Variants in C11orf65 observed in about 807,000 individuals in gnomAD.
C11orf65 encodes the protein protein MFI.
In C11orf65, 38 loss-of-function variants were observed where a neutral mutation model predicts 35.3. The ratio of observed to expected loss-of-function variants is 1.08; its 90% CI spans 0.83 to 1.41. The LOEUF (loss-of-function observed/expected upper bound fraction) is 1.41. Ranked by LOEUF, C11orf65 falls within the 40% of genes most tolerant of loss-of-function variation. The probability of loss-of-function intolerance (pLI) is 0.00; values close to 1 mark genes in which losing one functional copy is unlikely to be tolerated. For synonymous variants in C11orf65, 105 were observed against 114.4 expected (o/e 0.92, Z 0.53); for missense variants, 370 against 367.1 (o/e 1.01, Z -0.06).
intron 1 of C11orf65, among the ~76,000 whole-genome samples, chr11:108,465,220 T>A (rs752596005): frequency 7.9e-5 from 12 of 152,176 alleles, no homozygotes; most frequent in South Asian, 2.1e-4. Flanking sequence ...ATTGAATACT[T>A]TGATCTAAAT....
At chr11:108,331,576 C>G in intron 3 of C11orf65, 2 of 1,595,648 alleles carry the variant, frequency 1.3e-6, no homozygotes, top group Non-Finnish European at 1.7e-6. Flanking sequence ...ACCTGAAAAT[C>G]AAACCACAAT....
chr11:108,325,896 G>A (rs558194164), intron 6 of C11orf65, among the ~76,000 whole-genome samples: 1 of 152,146 alleles, frequency 6.6e-6, no homozygotes, highest in Non-Finnish European at 1.5e-5. Context: ...AGGCAGACGT[G>A]GGGTGGGGAG....
Position 108,431,751 on chromosome 11 carries a change from T to A in C11orf65, c.169A>T (p.Lys57Ter). ...PRQIVKYINP[K>*]EAELLDAAAG... ...TCAATAAGTAATGTCCTTACCTCTTTGGGATTAATATATTTCACTATCTGA... is the reference window on the plus strand; with the variant it reads ...TCAATAAGTAATGTCCTTACCTCTTAGGGATTAATATATTTCACTATCTGA... The change falls in exon 3 of 9, where the codon AAA becomes TAA. Residue 57 changes from lysine to a stop codon, truncating the protein, a stop_gained. Transcript: ENST00000393084. LOFTEE classifies it high-confidence loss of function. The A allele has an allele frequency of 1.4e-6, 2 of 1,458,634 alleles. No homozygotes were observed. The highest frequency in any genetic ancestry group is 9.3e-7 in the Non-Finnish European group (1 of 1,075,454). The allele number at this position is 1,458,634 out of a possible 1,614,324, so 90.4% of individuals were successfully genotyped here. A position where few individuals can be genotyped will look rare whatever the true frequency, so the allele number is the denominator to read the frequency against.
chr11:108,406,003 A>AT (rs773142720), intron 5 of C11orf65, among the ~76,000 whole-genome samples: 4 of 152,020 alleles, frequency 2.6e-5, no homozygotes, highest in Non-Finnish European at 5.9e-5. Flanking sequence ...CTGGTTGTCT[A>AT]TTTTCCCCCT....
chr11:108,308,782 A>G (rs1452272024), exon 7 of C11orf65: 1 of 519,330 alleles, frequency 1.9e-6, no homozygotes, highest in African/African-American at 1.9e-5. Flanking sequence ...GTAGTCTTAA[A>G]CCATTCTTCT....
intron 6 of C11orf65, chr11:108,319,889 A>G: frequency 1.7e-6 from 2 of 1,158,442 alleles, no homozygotes; most frequent in East Asian, 4.7e-5. Context: ...TGGTGAAGCT[A>G]TTTATACATG....
At chr11:108,421,714 C>T (rs1472305698) in intron 3 of C11orf65, among the ~76,000 whole-genome samples, 4 of 152,058 alleles carry the variant, frequency 2.6e-5, no homozygotes, top group African/African-American at 9.7e-5. Flanking sequence ...AGAACAAGTT[C>T]TATATTTTAC....
At chr11:108,355,047 T>A in intron 2 of C11orf65, 1 of 624,832 alleles carries the variant, frequency 1.6e-6, no homozygotes, top group African/African-American at 1.8e-5. Context: ...CCAAAAATAC[T>A]GGTTTAGAAA....
Position 108,406,866 on chromosome 11 carries a change from G to A in C11orf65, c.326C>T (p.Ala109Val). 1 of 1,612,178 alleles carries A rather than the reference G, an allele frequency of 6.2e-7. No homozygotes were observed. ...ATTTTTATTATGAGATGTATGCTTT[G>A]CTGGAAGTTTTGCATAATTTCTAGG... is the stretch of plus-strand genomic sequence containing the variant. ...NSPRNYAKLP[A>V]KHTSHNKNDH... is the part of the protein sequence containing the mutation. The change falls in exon 5 of 9, where the codon GCA (alanine) becomes GTA (valine). Residue 109 changes from alanine to valine, a missense_variant. Transcript: ENST00000393084.
chr11:108,331,876 C>T lies in C11orf65; in HGVS notation c.300-309G>A, dbSNP rs587782448. The T allele has an allele frequency of 5.6e-6, 9 of 1,612,770 alleles. No individual in the cohort carries two copies. In the Admixed American group the frequency reaches 6.7e-5, roughly 12 times the overall value. On this transcript the variant is annotated intron_variant, in intron 3 of 3. Transcript: ENST00000524755. ...CATAAATCTAATAGTTCTTTTCTTA[C>T]AGCTAATCTCTAGAATTTCAATGGA...
chr11:108,348,068 A>G (rs1351636924), intron 2 of C11orf65, among the ~76,000 whole-genome samples: 1 of 152,184 alleles, frequency 6.6e-6, no homozygotes, highest in Non-Finnish European at 1.5e-5. Context: ...GGGCCCCCAG[A>G]TAACTGAAGC....
downstream of C11orf65, among the ~76,000 whole-genome samples, chr11:108,380,351 G>A (rs1034679370): frequency 6.6e-6 from 1 of 152,234 alleles, no homozygotes; most frequent in African/African-American, 2.4e-5. Flanking sequence ...TTCTTGGGCA[G>A]TGGCAAATTG....
Position 108,312,506 on chromosome 11 carries a change from T to C in C11orf65, c.641-3435A>G, listed in dbSNP as rs56019194. On this transcript the variant is annotated intron_variant, in intron 6 of 6. Coordinates refer to the C11orf65 transcript ENST00000525729. ...ACTGGAATAAGTTTACAGGTAAATA[T>C]TAGAGGCTCTATTATTTATGACAGT... 89 of 1,513,644 alleles carry C rather than the reference T, an allele frequency of 5.9e-5. No individual in the cohort carries two copies. In the South Asian group the frequency reaches 6.5e-4, roughly 11 times the overall value. 93.8% of individuals were successfully genotyped at this position (1,513,644 alleles called of 1,614,324 possible).
chr11:108,337,870 A>G (rs900777661), intron 2 of C11orf65, among the ~76,000 whole-genome samples: 10 of 152,260 alleles, frequency 6.6e-5, no homozygotes, highest in African/African-American at 2.4e-4. Flanking sequence ...ACTCTCAGAA[A>G]GTAGCTAAGA....
In C11orf65 at chr11:108,375,950, T is replaced by C. The variant is rs1295121182; in HGVS notation, c.226+17258A>G. ...AGAAGAGCTAACTATCCTACATATA[T>C]ATGCAACCAATACAGGAGCACCCAG... On this transcript the variant is annotated intron_variant, in intron 2 of 3. Transcript: ENST00000524755. Among the ~76,000 whole-genome samples, 6 of 152,306 alleles carry C rather than the reference T, an allele frequency of 3.9e-5. No homozygotes were observed. The East Asian group carries it at 9.6e-4, about 24-fold the overall frequency.
At chr11:108,411,772 T>C (rs976676418) in intron 3 of C11orf65, among the ~76,000 whole-genome samples, 1 of 151,870 alleles carries the variant, frequency 6.6e-6, no homozygotes, top group African/African-American at 2.4e-5. Flanking sequence ...ATAATGACAC[T>C]GATTTTCTTT....
intron 6 of C11orf65, among the ~76,000 whole-genome samples, chr11:108,320,818 A>G (rs1253716449): frequency 6.6e-6 from 1 of 152,238 alleles, no homozygotes; most frequent in Non-Finnish European, 1.5e-5. Context: ...CTTAACTACT[A>G]ATAGCTTACT....
intron 2 of C11orf65, among the ~76,000 whole-genome samples, chr11:108,447,558 C>G (rs1035795393): frequency 3.9e-5 from 6 of 152,046 alleles, no homozygotes; most frequent in African/African-American, 1.5e-4. Context: ...AAAATGAAGG[C>G]AGAAATAAAG....
intron 2 of C11orf65, among the ~76,000 whole-genome samples, chr11:108,357,668 C>A (rs1591335374): frequency 6.6e-6 from 1 of 152,202 alleles, no homozygotes; most frequent in East Asian, 1.9e-4. Context: ...CTGGGAGGCA[C>A]CCCCCAGCAG....
Sources: gnomAD v4.1 joint callset for allele counts (sites outside exome capture counted in the v4.1 genomes callset) on GRCh38, gnomAD v4.1.1 for gene constraint, MANE v1.5 for transcripts, NCBI Gene and HGNC (gene_info 2026-07-23, HGNC 2026-07-21) for gene names.